SEBOX: variants seen among roughly 807,000 people sequenced by gnomAD.
The protein encoded by SEBOX is homeobox protein SEBOX.
Under a neutral mutation model 7.8 loss-of-function variants are expected in SEBOX, and 10 were observed. The ratio of observed to expected loss-of-function variants is 1.28; its 90% CI spans 0.79 to 2.17. The LOEUF (loss-of-function observed/expected upper bound fraction) is 2.17. Ranked by LOEUF, SEBOX falls within the 30% of genes most tolerant of loss-of-function variation. The probability of loss-of-function intolerance (pLI) is 0.00; values close to 1 mark genes in which losing one functional copy is unlikely to be tolerated. For synonymous variants in SEBOX, 98 were observed against 91.5 expected (o/e 1.07, Z -0.40); for missense variants, 240 against 239.5 (o/e 1.00, Z -0.01).
chr17:28,365,054 C>T, intron 1 of SEBOX, 67 bp downstream of exon 1: 11 of 1,578,184 alleles, frequency 7.0e-6, no homozygotes, highest in African/African-American at 1.3e-5. Context: ...TCCCACCCCT[C>T]TCCAACCGTC....
In SEBOX at chr17:28,364,808, T is replaced by C. The variant is rs782139441; in HGVS notation, c.179A>G (p.Glu60Gly). The change falls in exon 2 of 3, where the codon GAG (glutamate) becomes GGG (glycine). Residue 60 changes from glutamate (E) to glycine (G), a missense_variant. Coordinates refer to ENST00000536498, the MANE Select transcript of SEBOX (RefSeq NM_001080837.4). ...GTCACAGCTCACCTGTACCTTGGCC[T>C]CAGGAAGGCAAGTGACCCAGGCCAG... Reference protein sequence around the residue: ...EHLAWVTCLPEAKVQVWFQKR... With the variant: ...EHLAWVTCLPGAKVQVWFQKR... The C allele has an allele frequency of 1.9e-6, 3 of 1,613,784 alleles. No homozygotes were observed. The highest frequency in any genetic ancestry group is 1.3e-5 in the African/African-American group (1 of 74,928).
chr17:28,364,571 G>A lies in SEBOX; in HGVS notation c.270C>T (p.Pro90=), dbSNP rs189765896. 3 of 1,565,496 alleles carry A rather than the reference G, an allele frequency of 1.9e-6. No individual in the cohort carries two copies. The East Asian group carries it at 6.8e-5, about 35-fold the overall frequency. The part of the protein sequence containing the change: ...SGILSPGSEC[P]QSSCSLPDTL... ...TGTCTGGAAGAGAACAGGAGCTCTG[G>A]GGGCACTCAGACCCAGGGCTTAGAA... Residue 90 remains proline, a synonymous_variant, in exon 3 of 3, where the codon CCC becomes CCT. Transcript: ENST00000536498.
rs782325957 is a variant in SEBOX at position 28,365,106 on chromosome 17, C to A, written c.31+15G>T. ...CTGCGTTCTCACCCTGCCCACACTT[C>A]CCCCATCAGATCACCTGCTGAGGAT... On this transcript the variant is annotated intron_variant, in intron 1 of 2. Transcript: ENST00000536498. 3 of 1,599,606 alleles carry A rather than the reference C, an allele frequency of 1.9e-6. 1 individual carries two copies. Among genetic ancestry groups the A allele is most frequent in the African/African-American group, 1.3e-5 (1 of 74,644 alleles).
chr17:28,364,221 TG>T lies in SEBOX; in HGVS notation c.*46del. ...GTGTTCAATCCCAGGAGGGGCAGGGTGGGCCACAGGAGTCAGAGGAGGGGCC... is the reference window on the plus strand; with the variant it reads ...GTGTTCAATCCCAGGAGGGGCAGGGTGGCCACAGGAGTCAGAGGAGGGGCC... On this transcript the variant is annotated 3_prime_UTR_variant, in exon 3 of 3. Coordinates refer to ENST00000536498, the MANE Select transcript of SEBOX (RefSeq NM_001080837.4). 6.5e-7 allele frequency: 1 copy of T among 1,548,764 alleles called. No homozygotes were observed.
Position 28,364,632 on chromosome 17 carries a change from C to T in SEBOX, c.209G>A (p.Arg70His), listed in dbSNP as rs564217658. 2.7e-5 allele frequency: 42 copies of T among 1,545,622 alleles called. No homozygotes were observed. Among genetic ancestry groups the T allele is most frequent in the East Asian group, 6.8e-5 (3 of 44,366 alleles). Residue 70 changes from arginine to histidine, a missense_variant, in exon 3 of 3, where the codon CGC becomes CAC. Physicochemically the swap from Arg to His is conservative, Grantham distance 29 (BLOSUM62 0). Coordinates refer to ENST00000536498, the MANE Select transcript of SEBOX (RefSeq NM_001080837.4). Reference sequence around the variant, plus strand: ...CCTGTTCTTGATTATTTTGGCCCAGCGCTTCTGGAACCACACCTGCTAGGA... The same window carrying T: ...CCTGTTCTTGATTATTTTGGCCCAGTGCTTCTGGAACCACACCTGCTAGGA... ...EAKVQVWFQK[R>H]WAKIIKNRKS... is the part of the protein sequence containing the mutation.
Position 28,364,798 on chromosome 17 carries a change from T to C in SEBOX, c.189A>G (p.Val63=). The C allele has an allele frequency of 6.2e-7, 1 of 1,613,924 alleles. No individual in the cohort carries two copies. The highest frequency in any genetic ancestry group is 1.7e-5 in the Admixed American group (1 of 60,016). The change falls in exon 2 of 3, where the codon GTA becomes GTG. Residue 63 remains valine, a synonymous_variant. Coordinates refer to ENST00000536498, the MANE Select transcript of SEBOX (RefSeq NM_001080837.4). ...AWVTCLPEAK[V]QVWFQKRWAK... ...GTGAGAAGGGGTCACAGCTCACCTG[T>C]ACCTTGGCCTCAGGAAGGCAAGTGA...
rs1555582729 is a variant in SEBOX at position 28,364,642 on chromosome 17, A to G, written c.199T>C (p.Phe67Leu). The stretch of plus-strand genomic sequence containing the variant: ...ATTATTTTGGCCCAGCGCTTCTGGA[A>G]CCACACCTGCTAGGAAAGAAGAAGG... ...CLPEAKVQVW[F>L]QKRWAKIIKN... The change falls in exon 3 of 3, where the codon TTC becomes CTC. Residue 67 changes from phenylalanine (F) to leucine (L), a missense_variant. Coordinates refer to ENST00000536498, the MANE Select transcript of SEBOX (RefSeq NM_001080837.4). The G allele has an allele frequency of 1.3e-6, 2 of 1,545,928 alleles. No individual in the cohort carries two copies. The highest frequency in any genetic ancestry group is 2.1e-5 in the Admixed American group (1 of 48,528).
chr17:28,364,698 C>T (rs374763161), intron 2 of SEBOX, 50 bp from the exon 3 acceptor site: 4 of 1,577,960 alleles, frequency 2.5e-6, no homozygotes, highest in Non-Finnish European at 3.4e-6. Context: ...TCCCCTCCAC[C>T]CAGGGACAGG....
In SEBOX at chr17:28,364,786, A is replaced by T. The variant is rs1597808884; in HGVS notation, c.192+9T>A. On this transcript the variant is annotated intron_variant, in intron 2 of 2. Transcript: ENST00000536498. ...GATGTTGGCTGTGTGAGAAGGGGTC[A>T]CAGCTCACCTGTACCTTGGCCTCAG... 6.2e-7 allele frequency: 1 copy of T among 1,613,736 alleles called. No homozygotes were observed. The highest frequency in any genetic ancestry group is 1.7e-5 in the Admixed American group (1 of 60,010).
intron 1 of SEBOX, 60 bp downstream of exon 1, chr17:28,365,061 C>T: frequency 5.1e-6 from 8 of 1,579,866 alleles, no homozygotes; most frequent in South Asian, 3.4e-5. Flanking sequence ...CCTCTCCAAC[C>T]GTCCTCATCC....
Position 28,364,782 on chromosome 17 carries a change from G to T in SEBOX, c.192+13C>A. 6.2e-7 allele frequency: 1 copy of T among 1,613,642 alleles called. No individual in the cohort carries two copies. On this transcript the variant is annotated intron_variant, in intron 2 of 2. Transcript: ENST00000536498. ...CCTAGATGTTGGCTGTGTGAGAAGG[G>T]GTCACAGCTCACCTGTACCTTGGCC...
Position 28,364,598 on chromosome 17 carries a change from T to G in SEBOX, c.243A>C (p.Gly81=). 1 of 1,544,194 alleles carries G rather than the reference T, an allele frequency of 6.5e-7. No individual in the cohort carries two copies. Among genetic ancestry groups the G allele is most frequent in the South Asian group, 1.3e-5 (1 of 79,052 alleles). ...GGCACTCAGACCCAGGGCTTAGAAT[T>G]CCTGACTTCCTGTTCTTGATTATTT... ...WAKIIKNRKS[G]ILSPGSECPQ... is the part of the protein sequence containing the mutation. Residue 81 remains glycine (G), a synonymous_variant, in exon 3 of 3, where the codon GGA becomes GGC. Transcript: ENST00000536498.
At position 28,364,503 on chromosome 17, in the gene SEBOX, G is replaced by A; in HGVS notation, c.338C>T (p.Pro113Leu). ...GCGCTGAGGTGTGCCGCTGGAGGGT[G>A]GAGGTTGGCCTGGCATTTGGGGATC... ...PWDPQMPGQP[P>L]PSSGTPQRTS... The change falls in exon 3 of 3, where the codon CCA becomes CTA. Residue 113 changes from proline (P) to leucine (L), a missense_variant. Transcript: ENST00000536498. 6.2e-7 allele frequency: 1 copy of A among 1,607,308 alleles called. No individual in the cohort carries two copies. The highest frequency in any genetic ancestry group is 8.5e-7 in the Non-Finnish European group (1 of 1,175,118).
Position 28,364,551 on chromosome 17 carries a change from G to A in SEBOX, c.290C>T (p.Pro97Leu). The change falls in exon 3 of 3, where the codon CCA becomes CTA. Residue 97 changes from proline to leucine, a missense_variant. Physicochemically the swap from Pro to Leu is moderately conservative, Grantham distance 98. Coordinates refer to ENST00000536498, the MANE Select transcript of SEBOX (RefSeq NM_001080837.4). ...SECPQSSCSL[P>L]DTLQQPWDPQ... is the part of the protein sequence containing the mutation. ...ATCCCAGGGCTGCTGGAGGGTGTCT[G>A]GAAGAGAACAGGAGCTCTGGGGGCA... 1 of 1,590,556 alleles carries A rather than the reference G, an allele frequency of 6.3e-7. No homozygotes were observed. The highest frequency in any genetic ancestry group is 8.6e-7 in the Non-Finnish European group (1 of 1,166,600).
At position 28,364,512 on chromosome 17, in the gene SEBOX, C is replaced by T; in HGVS notation, c.329G>A (p.Gly110Asp). The T allele has an allele frequency of 6.2e-7, 1 of 1,605,292 alleles. No homozygotes were observed. Among genetic ancestry groups the T allele is most frequent in the Non-Finnish European group, 8.5e-7 (1 of 1,173,938 alleles). Residue 110 changes from glycine to aspartate, a missense_variant, in exon 3 of 3, where the codon GGC becomes GAC. Transcript: ENST00000536498. ...LQQPWDPQMP[G>D]QPPPSSGTPQ... The stretch of plus-strand genomic sequence containing the variant: ...TGTGCCGCTGGAGGGTGGAGGTTGG[C>T]CTGGCATTTGGGGATCCCAGGGCTG...
rs1294903391 is a variant in SEBOX at position 28,365,139 on chromosome 17, C to G, written c.13G>C (p.Val5Leu). Residue 5 changes from valine to leucine, a missense_variant, in exon 1 of 3, where the codon GTG becomes CTG. Physicochemically the swap from Val to Leu is conservative, Grantham distance 32. Transcript: ENST00000536498. ...AGATCACCTGCTGAGGATGCATCCACAGGGCTGGGCATGGAGCTGGCAAAG... is the reference window on the plus strand; with the variant it reads ...AGATCACCTGCTGAGGATGCATCCAGAGGGCTGGGCATGGAGCTGGCAAAG... MPSP[V>L]DASSADGGSG... 1.2e-6 allele frequency: 2 copies of G among 1,609,938 alleles called. No individual in the cohort carries two copies. The highest frequency in any genetic ancestry group is 1.7e-6 in the Non-Finnish European group (2 of 1,178,150).
Position 28,364,468 on chromosome 17 carries a change from A to T in SEBOX, c.373T>A (p.Cys125Ser). The T allele has an allele frequency of 6.2e-7, 1 of 1,608,138 alleles. No individual in the cohort carries two copies. Among genetic ancestry groups the T allele is most frequent in the Non-Finnish European group, 8.5e-7 (1 of 1,176,802 alleles). Residue 125 changes from cysteine (C) to serine (S), a missense_variant, in exon 3 of 3, where the codon TGT (cysteine) becomes AGT (serine). By Grantham distance (112) the Cys-to-Ser change is moderately radical. Transcript: ENST00000536498. The stretch of plus-strand genomic sequence containing the variant: ...GGAGCTGGACAGGAGCTATGTCGAC[A>T]CACTGAGGTGCGCTGAGGTGTGCCG... Reference protein sequence around the residue: ...SSGTPQRTSVCRHSSCPAPGL... With the variant: ...SSGTPQRTSVSRHSSCPAPGL...
rs74359045 is a variant in SEBOX, at chr17:28,363,895, G to C, written c.*373C>G. ...GGCCTGGAGAGACCTCAGGAGACAG[G>C]AGCCTGCCCCTTCAGAAGGAGGAGG... On this transcript the variant is annotated 3_prime_UTR_variant, in exon 3 of 3. Coordinates refer to ENST00000536498, the MANE Select transcript of SEBOX (RefSeq NM_001080837.4). 2.0e-3 allele frequency among the ~76,000 whole-genome samples: 298 copies of C among 152,286 alleles called. No individual in the cohort carries two copies. Among genetic ancestry groups the C allele is most frequent in the African/African-American group, 6.9e-3 (286 of 41,556 alleles).
rs368908199 is a variant in SEBOX, at chr17:28,364,959, C to T, written c.32-4G>A. ...GAACCCAACCCGCTGCCACCGTCTG[C>T]AGGCCATGGTGGGGGTCAAGCTGGG... On this transcript the variant is annotated splice_region_variant and splice_polypyrimidine_tract_variant and intron_variant, in intron 1 of 2. Transcript: ENST00000536498. 7 of 1,607,768 alleles carry T rather than the reference C, an allele frequency of 4.4e-6. No homozygotes were observed. The highest frequency in any genetic ancestry group is 3.3e-5 in the South Asian group (3 of 90,150).
Sources: gnomAD v4.1 joint callset for allele counts (sites outside exome capture counted in the v4.1 genomes callset) on GRCh38, gnomAD v4.1.1 for gene constraint, MANE v1.5 for transcripts, NCBI Gene and HGNC (gene_info 2026-07-23, HGNC 2026-07-21) for gene names.